KCNAB1: variants seen among roughly 807,000 people sequenced by gnomAD.
KCNAB1 encodes voltage-gated potassium channel subunit beta-1.
A neutral mutation model predicts 64.6 loss-of-function variants in KCNAB1; 35 were observed. The ratio of observed to expected loss-of-function variants is 0.54; its 90% confidence interval spans 0.41 to 0.72. The LOEUF is 0.72. Among genes scored for constraint, KCNAB1 ranks in the 30% least tolerant of loss-of-function variants. The probability of loss-of-function intolerance (pLI) is 0.00; values close to 1 mark genes in which losing one functional copy is unlikely to be tolerated. For missense variants in KCNAB1, 401 were observed against 512.9 expected, an observed-to-expected ratio of 0.78 and a Z score of 2.11; for synonymous variants, 177 against 183.8, an observed-to-expected ratio of 0.96 and a Z score of 0.30.
intron 1 of KCNAB1, among the ~76,000 whole-genome samples, chr3:156,354,108 A>ATG (rs1439015745): frequency 1.7e-5 from 2 of 120,988 alleles, no homozygotes; most frequent in African/African-American, 6.7e-5. Context: ...ATATGTATAT[A>ATG]TATGTGTGTG....
intron 1 of KCNAB1, among the ~76,000 whole-genome samples, chr3:156,153,698 A>C (rs1429756168): frequency 6.6e-6 from 1 of 152,260 alleles, no homozygotes; most frequent in Non-Finnish European, 1.5e-5. Flanking sequence ...GATCTGAGAC[A>C]TCGGTCTATT....
At chr3:156,456,390 C>T (rs1712434876) in intron 3 of KCNAB1, among the ~76,000 whole-genome samples, 2 of 152,138 alleles carry the variant, frequency 1.3e-5, no homozygotes, top group African/African-American at 2.4e-5. Context: ...ATAGGACAGT[C>T]ATAACAGGAA....
At chr3:156,497,339 A>ATTGC (rs1477291285) in intron 8 of KCNAB1, among the ~76,000 whole-genome samples, 1 of 152,218 alleles carries the variant, frequency 6.6e-6, no homozygotes, top group Non-Finnish European at 1.5e-5. Context: ...AGCAATGAAG[A>ATTGC]TTGCTTCCTG....
intron 1 of KCNAB1, among the ~76,000 whole-genome samples, chr3:156,355,349 A>G (rs1725158067): frequency 6.6e-6 from 1 of 151,318 alleles, no homozygotes; most frequent in African/African-American, 2.4e-5. Flanking sequence ...TCAGTCTAAC[A>G]AGCATAAGTG....
chr3:156,480,006 G>T (rs923325393), intron 8 of KCNAB1, among the ~76,000 whole-genome samples: 2 of 152,086 alleles, frequency 1.3e-5, no homozygotes, highest in Admixed American at 6.6e-5. Context: ...CTTAGAAAAT[G>T]CCAGAAAGCA....
intron 2 of KCNAB1, among the ~76,000 whole-genome samples, chr3:156,451,713 C>T (rs1712017265): frequency 6.6e-6 from 1 of 152,154 alleles, no homozygotes; most frequent in Admixed American, 6.5e-5. Context: ...GCCGTCCCTC[C>T]CTGGTGCTCC....
At chr3:156,169,521 G>A (rs890728096) in intron 1 of KCNAB1, among the ~76,000 whole-genome samples, 2 of 152,164 alleles carry the variant, frequency 1.3e-5, no homozygotes, top group Admixed American at 1.3e-4. Flanking sequence ...GGCTCTCTGG[G>A]TATTTCTATT....
chr3:156,276,020 TA>T (rs1468883200), intron 1 of KCNAB1, among the ~76,000 whole-genome samples: 5 of 152,174 alleles, frequency 3.3e-5, no homozygotes, highest in Non-Finnish European at 5.9e-5. Flanking sequence ...AATCACTATG[TA>T]TGGCAGCTGT....
chr3:156,229,135 GGT>G (rs1301530298), intron 1 of KCNAB1, among the ~76,000 whole-genome samples: 2 of 152,134 alleles, frequency 1.3e-5, no homozygotes, highest in Non-Finnish European at 2.9e-5. Flanking sequence ...TTCTTTCTAT[GGT>G]GTATTAGTTC....
rs565630816 is a variant in KCNAB1 at position 156,219,680 on chromosome 3, G to A, written c.275+98794G>A. Among the ~76,000 whole-genome samples, 925 of 150,542 alleles carry A rather than the reference G, an allele frequency of 6.1e-3. 6 individuals are homozygous for A. Among genetic ancestry groups the A allele is most frequent in the African/African-American group, 0.021 (845 of 41,008 alleles). On this transcript the variant is annotated intron_variant, in intron 1 of 13. Coordinates refer to ENST00000490337, the MANE Select transcript of KCNAB1 (RefSeq NM_172160.3). Reference sequence around the variant, plus strand: ...CCTCAGGTTATCTAAAGTCAAAAGCGAAGGAAGGAATCTTTTTATTATTAT... The same window carrying A: ...CCTCAGGTTATCTAAAGTCAAAAGCAAAGGAAGGAATCTTTTTATTATTAT...
At chr3:156,463,580 A>G (rs1713107162) in intron 5 of KCNAB1, 122 bp from the exon 6 acceptor site, 2 of 789,916 alleles carry the variant, frequency 2.5e-6, no homozygotes, top group Non-Finnish European at 4.1e-6. Flanking sequence ...TTACCTCTTT[A>G]CCAATTTTTA....
At chr3:156,382,512 CA>C (rs1161938115) in intron 1 of KCNAB1, among the ~76,000 whole-genome samples, 1 of 151,956 alleles carries the variant, frequency 6.6e-6, no homozygotes, top group Non-Finnish European at 1.5e-5. Flanking sequence ...AAAAAACAAA[CA>C]AAAAAACCAA....
At chr3:156,210,545 G>A (rs968951040) in intron 1 of KCNAB1, among the ~76,000 whole-genome samples, 2 of 152,156 alleles carry the variant, frequency 1.3e-5, no homozygotes, top group Non-Finnish European at 2.9e-5. Flanking sequence ...ATTCATCTCT[G>A]CATGCAAAAG....
At chr3:156,319,697 C>T (rs1323254742) in intron 1 of KCNAB1, among the ~76,000 whole-genome samples, 3 of 152,172 alleles carry the variant, frequency 2.0e-5, no homozygotes, top group Admixed American at 1.3e-4. Flanking sequence ...ATGAAATGCA[C>T]TGACTATATC....
chr3:156,224,795 C>G (rs1026312838), intron 1 of KCNAB1, among the ~76,000 whole-genome samples: 1 of 152,128 alleles, frequency 6.6e-6, no homozygotes, highest in Non-Finnish European at 1.5e-5. Flanking sequence ...CTATGAACAC[C>G]TTTACATGCA....
intron 1 of KCNAB1, among the ~76,000 whole-genome samples, chr3:156,125,801 G>A (rs1349416933): frequency 2.6e-5 from 4 of 152,182 alleles, no homozygotes; most frequent in African/African-American, 9.6e-5. Context: ...TGGTAGACTT[G>A]ATTCCTGCCA....
At chr3:156,246,128 G>A (rs1223599219) in intron 1 of KCNAB1, among the ~76,000 whole-genome samples, 4 of 152,154 alleles carry the variant, frequency 2.6e-5, no homozygotes, top group Admixed American at 6.5e-5. Flanking sequence ...AATATGTAGC[G>A]TTCCTGAATC....
Position 156,457,476 on chromosome 3 carries a change from C to T in KCNAB1, c.381C>T (p.Ile127=), listed in dbSNP as rs375012950. 95 of 1,613,900 alleles carry T rather than the reference C, an allele frequency of 5.9e-5. No individual in the cohort carries two copies. Among genetic ancestry groups the T allele is most frequent in the East Asian group, 3.1e-4 (14 of 44,880 alleles). The change falls in exon 4 of 14, where the codon ATC becomes ATT. Residue 127 remains isoleucine (I), a synonymous_variant. Coordinates refer to ENST00000490337, the MANE Select transcript of KCNAB1 (RefSeq NM_172160.3). ...AGGTTGCTGAACGGCTGATGACCAT[C>T]GCCTATGAAAGTGGTGTTAACCTCT... The part of the protein sequence containing the change: ...SDEVAERLMT[I]AYESGVNLFD...
At chr3:156,154,055 C>A (rs568920256) in intron 1 of KCNAB1, among the ~76,000 whole-genome samples, 1 of 152,186 alleles carries the variant, frequency 6.6e-6, no homozygotes, top group South Asian at 2.1e-4. Context: ...CAAAAAAGTT[C>A]TCCATGTGTT....
Sources: allele counts gnomAD v4.1 joint callset (sites outside exome capture counted in the v4.1 genomes callset), GRCh38; gene constraint gnomAD v4.1.1; transcripts MANE v1.5; gene names NCBI Gene and HGNC (gene_info 2026-07-23, HGNC 2026-07-21).